CCSER1: variants seen among roughly 807,000 people sequenced by gnomAD.
The protein encoded by CCSER1 is coiled-coil serine rich protein 1.
In CCSER1, 41 loss-of-function variants were observed where a neutral mutation model predicts 82.0. That is an observed-to-expected ratio of 0.50 (90% CI 0.39 to 0.65). The LOEUF (loss-of-function observed/expected upper bound fraction) is 0.65. Among genes scored for constraint, CCSER1 ranks in the 30% least tolerant of loss-of-function variants. The pLI is 0.00. For missense variants in CCSER1, 1,119 were observed against 1,064.2 expected (o/e 1.05, Z -0.72); for synonymous variants, 414 against 383.9 (o/e 1.08, Z -0.92).
intron 7 of CCSER1, among the ~76,000 whole-genome samples, chr4:90,776,744 T>C (rs1425795007): frequency 6.6e-6 from 1 of 152,190 alleles, no homozygotes; most frequent in African/African-American, 2.4e-5. Flanking sequence ...ATTTTCCCCA[T>C]TTTACAAATG....
At chr4:91,400,820 A>G (rs1218196390) in intron 10 of CCSER1, among the ~76,000 whole-genome samples, 7 of 151,786 alleles carry the variant, frequency 4.6e-5, no homozygotes, top group African/African-American at 1.7e-4. Flanking sequence ...AATTAAGTCT[A>G]TGGTTGTACC....
Position 91,520,058 on chromosome 4 carries a change from T to C in CCSER1, c.2218-78514T>C, listed in dbSNP as rs1760371135. ...ATTTATTTCTGCCATTTACTATTGT[T>C]TTCTACGTGTTTTATGTCTTTTCTG... On this transcript the variant is annotated intron_variant, in intron 10 of 10. Transcript: ENST00000509176. Among the ~76,000 whole-genome samples, 4 of 152,224 alleles carry C rather than the reference T, an allele frequency of 2.6e-5. 1 individual carries two copies. In the South Asian group the frequency reaches 8.3e-4, roughly 32 times the overall value.
intron 5 of CCSER1, among the ~76,000 whole-genome samples, chr4:90,602,636 G>C (rs1167908626): frequency 6.6e-6 from 1 of 152,108 alleles, no homozygotes; most frequent in Non-Finnish European, 1.5e-5. Flanking sequence ...GACCAATAAA[G>C]AATAAGCCCA....
At chr4:91,007,924 T>G (rs781658355) in intron 9 of CCSER1, among the ~76,000 whole-genome samples, 2 of 152,076 alleles carry the variant, frequency 1.3e-5, no homozygotes, top group Non-Finnish European at 2.9e-5. Flanking sequence ...TCCCATAGGT[T>G]TTGATATGTT....
chr4:91,570,406 G>C (rs182858161), intron 10 of CCSER1, among the ~76,000 whole-genome samples: 1 of 152,192 alleles, frequency 6.6e-6, no homozygotes, highest in Non-Finnish European at 1.5e-5. Context: ...CCCTAGCAGA[G>C]GTTCTCCATG....
intron 4 of CCSER1, among the ~76,000 whole-genome samples, chr4:90,427,579 A>C (rs1757700517): frequency 6.6e-6 from 1 of 151,662 alleles, no homozygotes; most frequent in Non-Finnish European, 1.5e-5. Flanking sequence ...TGTTGTCAAA[A>C]GCTATAGTGA....
At chr4:91,565,499 AT>A (rs1762846695) in intron 10 of CCSER1, among the ~76,000 whole-genome samples, 1 of 152,108 alleles carries the variant, frequency 6.6e-6, no homozygotes, top group Non-Finnish European at 1.5e-5. Flanking sequence ...CAGAAAAGCC[AT>A]TTTAAAGATA....
At position 90,638,130 on chromosome 4, in the gene CCSER1, C is replaced by G. The variant is rs550093634; in HGVS notation, c.1932+9898C>G. ...GACTGTGAAGTTCGATGGGCCATAC[C>G]TTAAAACCTTAAACAAAAGGCATCT... On this transcript the variant is annotated intron_variant, in intron 6 of 10. Transcript: ENST00000509176. 3.4e-4 allele frequency among the ~76,000 whole-genome samples: 52 copies of G among 152,198 alleles called. 1 individual carries two copies. The South Asian group carries it at 1.0e-2, about 29-fold the overall frequency.
intron 9 of CCSER1, among the ~76,000 whole-genome samples, chr4:91,035,421 G>T (rs1175652035): frequency 6.6e-6 from 1 of 152,096 alleles, no homozygotes; most frequent in Non-Finnish European, 1.5e-5. Context: ...GACATTCTTA[G>T]AGTAAATGCA....
intron 3 of CCSER1, among the ~76,000 whole-genome samples, chr4:90,326,216 G>T (rs1271567591): frequency 2.6e-5 from 4 of 151,652 alleles, no homozygotes; most frequent in African/African-American, 9.7e-5. Context: ...CTGCCACCAC[G>T]CCCGGCTAAT....
chr4:90,367,246 C>G (rs913130687), intron 3 of CCSER1, among the ~76,000 whole-genome samples: 9 of 151,728 alleles, frequency 5.9e-5, no homozygotes, highest in Non-Finnish European at 8.8e-5. Flanking sequence ...CAACTACAAA[C>G]AGAAGAAAAT....
chr4:90,643,891 T>G (rs1204875244), intron 6 of CCSER1, among the ~76,000 whole-genome samples: 1 of 152,220 alleles, frequency 6.6e-6, no homozygotes, highest in Non-Finnish European at 1.5e-5. Flanking sequence ...AAATAAATGT[T>G]ACTTCTCTTT....
At chr4:90,632,322 T>C (rs1406385579) in intron 6 of CCSER1, among the ~76,000 whole-genome samples, 1 of 152,090 alleles carries the variant, frequency 6.6e-6, no homozygotes, top group Non-Finnish European at 1.5e-5. Flanking sequence ...CATTACTTAT[T>C]ATTCTACCTA....
At chr4:90,992,625 G>A (rs928196946) in intron 9 of CCSER1, among the ~76,000 whole-genome samples, 84 of 152,048 alleles carry the variant, frequency 5.5e-4, no homozygotes, top group African/African-American at 1.9e-3. Context: ...AAGATATTAT[G>A]ATTATTATAA....
intron 5 of CCSER1, among the ~76,000 whole-genome samples, chr4:90,590,566 G>T (rs566869436): frequency 6.6e-6 from 1 of 151,560 alleles, no homozygotes; most frequent in Non-Finnish European, 1.5e-5. Context: ...GGCAAAAAGA[G>T]TGAAACTTGG....
chr4:90,285,751 A>G (rs1198195397), intron 1 of CCSER1, among the ~76,000 whole-genome samples: 1 of 151,956 alleles, frequency 6.6e-6, no homozygotes, highest in Non-Finnish European at 1.5e-5. Flanking sequence ...GTTTTTTCCC[A>G]TTTAATACAT....
chr4:90,308,196 T>C (rs1734649698), intron 1 of CCSER1, 48 bp from the exon 2 acceptor site: 1 of 1,293,488 alleles, frequency 7.7e-7, no homozygotes, highest in East Asian at 2.6e-5. Context: ...ATGTATTATT[T>C]GTAGTTGAAT....
At chr4:91,340,838 C>T (rs967495776) in intron 10 of CCSER1, among the ~76,000 whole-genome samples, 4 of 152,086 alleles carry the variant, frequency 2.6e-5, no homozygotes, top group African/African-American at 9.7e-5. Context: ...GTGGGAACTT[C>T]GTTAAAATAG....
intron 10 of CCSER1, among the ~76,000 whole-genome samples, chr4:91,265,093 G>C (rs1367687243): frequency 6.6e-6 from 1 of 151,854 alleles, no homozygotes; most frequent in Non-Finnish European, 1.5e-5. Context: ...CATTTCCTTA[G>C]ATATCTCACT....
Sources: allele counts gnomAD v4.1 joint callset (sites outside exome capture counted in the v4.1 genomes callset), GRCh38; gene constraint gnomAD v4.1.1; transcripts MANE v1.5; gene names NCBI Gene and HGNC (gene_info 2026-07-23, HGNC 2026-07-21).